The following ABCC8 variants were observed in gnomAD, a reference collection of about 807,000 sequenced individuals.
ABCC8 encodes the protein ATP-binding cassette sub-family C member 8.
In ABCC8, 137 loss-of-function variants were observed where a neutral mutation model predicts 188.0. That is an observed-to-expected ratio of 0.73 (90% CI 0.63 to 0.84). The LOEUF is 0.84. Ranked by LOEUF, ABCC8 falls within the 40% of genes least tolerant of loss-of-function variation. The probability of loss-of-function intolerance (pLI) is 0.00; values close to 1 mark genes in which losing one functional copy is unlikely to be tolerated. For synonymous variants in ABCC8, 797 were observed against 846.5 expected (o/e 0.94, Z 1.01); for missense variants, 1,750 against 2,072.7 (o/e 0.84, Z 3.02).
intron 8 of ABCC8, among the ~76,000 whole-genome samples, chr11:17,444,814 C>T (rs932233764): frequency 6.6e-6 from 1 of 152,202 alleles, no homozygotes; most frequent in Middle Eastern, 3.2e-3. Context: ...GGGTGAGTTA[C>T]TTAACCTCTC....
intron 37 of ABCC8, 51 bp from the exon 38 acceptor site, chr11:17,393,810 C>G: frequency 6.2e-7 from 1 of 1,614,056 alleles, no homozygotes; most frequent in South Asian, 1.1e-5. Context: ...TGGATGGGGT[C>G]TGGCCTGGCT....
intron 28 of ABCC8, among the ~76,000 whole-genome samples, chr11:17,403,542 T>C (rs1484018009): frequency 6.6e-6 from 1 of 152,226 alleles, no homozygotes; most frequent in Non-Finnish European, 1.5e-5. Flanking sequence ...TTTATACAAA[T>C]GTTGATCCTT....
At chr11:17,443,105 G>T in intron 9 of ABCC8, 73 bp downstream of exon 9, 1 of 1,566,918 alleles carries the variant, frequency 6.4e-7, no homozygotes, top group Non-Finnish European at 8.8e-7. Context: ...GTGTGGGTGT[G>T]TGGGAGGAGA....
rs1953699276 is a variant in ABCC8 at position 17,392,916 on chromosome 11, T to G, written c.*75A>C. Reference sequence around the variant, plus strand: ...ATAATCAAATCTATTTATTTACAAGTGATTTACAGTTAGAAAACCCAGGCA... The same window carrying G: ...ATAATCAAATCTATTTATTTACAAGGGATTTACAGTTAGAAAACCCAGGCA... On this transcript the variant is annotated 3_prime_UTR_variant, in exon 39 of 39. Coordinates refer to ENST00000389817, the MANE Select transcript of ABCC8 (RefSeq NM_000352.6). 1 of 1,500,398 alleles carries G rather than the reference T, an allele frequency of 6.7e-7. No homozygotes were observed. The highest frequency in any genetic ancestry group is 1.7e-5 in the Admixed American group (1 of 59,874). The allele number at this position is 1,500,398 out of a possible 1,614,324, so 92.9% of individuals were successfully genotyped here.
chr11:17,449,652 T>C lies in ABCC8; in HGVS notation c.1177-981A>G, dbSNP rs572010887. On this transcript the variant is annotated intron_variant, in intron 7 of 38. Coordinates refer to ENST00000389817, the MANE Select transcript of ABCC8 (RefSeq NM_000352.6). ...GTGCTCTTGAACAAGGAAAAATGCA[T>C]CCGGGTCTTAAATGTCCTCAGGATG... Among the ~76,000 whole-genome samples the C allele has an allele frequency of 3.3e-5, 5 of 152,348 alleles. No homozygotes were observed. In the East Asian group the frequency reaches 9.6e-4, roughly 29 times the overall value.
chr11:17,430,467 C>G (rs1955794566), intron 12 of ABCC8: 1 of 376,266 alleles, frequency 2.7e-6, no homozygotes, highest in East Asian at 6.1e-5. Flanking sequence ...ACGGGATGGC[C>G]TCATTCTTGG....
chr11:17,402,643 G>T lies in ABCC8; in HGVS notation c.3650+18C>A. On this transcript the variant is annotated intron_variant, in intron 29 of 38. Coordinates refer to ENST00000389817, the MANE Select transcript of ABCC8 (RefSeq NM_000352.6). ...CACCCCTGTTCCACTCCTACCTTGG[G>T]GGAATGTGGACTCGTACCTGAAGGC... 6.2e-7 allele frequency: 1 copy of T among 1,614,234 alleles called. No homozygotes were observed. Among genetic ancestry groups the T allele is most frequent in the Non-Finnish European group, 8.5e-7 (1 of 1,180,050 alleles).
chr11:17,423,356 CAA>C (rs58524307), intron 16 of ABCC8, among the ~76,000 whole-genome samples: 8 of 63,338 alleles, frequency 1.3e-4, no homozygotes, highest in South Asian at 8.8e-4. Context: ...GACTCCGTCT[CAA>C]AAAAAAAAAA....
At position 17,455,939 on chromosome 11, in the gene ABCC8, A is replaced by G. The variant is rs938748764; in HGVS notation, c.1012-2656T>C. 1.1e-4 allele frequency among the ~76,000 whole-genome samples: 13 copies of G among 122,048 alleles called. No homozygotes were observed. In the South Asian group the frequency reaches 2.9e-3, roughly 27 times the overall value. 80.1% of individuals were successfully genotyped at this position (122,048 alleles called of 152,430 possible). A position where few individuals can be genotyped will look rare whatever the true frequency, so the allele number is the denominator to read the frequency against. On this transcript the variant is annotated intron_variant, in intron 6 of 38. Coordinates refer to ENST00000389817, the MANE Select transcript of ABCC8 (RefSeq NM_000352.6). ...GGGAGACAGAGTGAGGCTCCATCCAAAAAAAAAAAAAAAAAAAAAAGAAGT... is the reference window on the plus strand; with the variant it reads ...GGGAGACAGAGTGAGGCTCCATCCAGAAAAAAAAAAAAAAAAAAAAGAAGT...
chr11:17,460,652 C>A lies in ABCC8; in HGVS notation c.847G>T (p.Gly283Cys). ...AGTGCCTGCCAGATGGCCCGGGCAC[C>A]TTGAGTGCCCTGAATGTCCTTCCGC... ...QVRKDIQGTQ[G>C]ARAIWQALSH... The change falls in exon 6 of 39, where the codon GGT (glycine) becomes TGT (cysteine). Residue 283 changes from glycine to cysteine, a missense_variant. Coordinates refer to ENST00000389817, the MANE Select transcript of ABCC8 (RefSeq NM_000352.6). 1.2e-6 allele frequency: 2 copies of A among 1,610,500 alleles called. No homozygotes were observed. The highest frequency in any genetic ancestry group is 1.7e-6 in the Non-Finnish European group (2 of 1,180,004).
intron 6 of ABCC8, among the ~76,000 whole-genome samples, chr11:17,459,134 T>C (rs1218651578): frequency 1.3e-5 from 2 of 152,192 alleles, no homozygotes; most frequent in Admixed American, 1.3e-4. Context: ...CTCAACTTTC[T>C]CATCTGTAAA....
Position 17,463,576 on chromosome 11 carries a change from GA to G in ABCC8, c.440del (p.Phe147SerfsTer30). ...TGACAAACTTGATGGTCTTGGTGAT[GA>G]AGGCCAGGGTCCAATACACCAGCAG... Reference protein sequence around the residue: ...IALLVYWTLAFITKTIKFVKF... With the variant: ...IALLVYWTLAXITKTIKFVKF... On this transcript the variant is annotated frameshift_variant, in exon 4 of 39. Coordinates refer to ENST00000389817, the MANE Select transcript of ABCC8 (RefSeq NM_000352.6). LOFTEE classifies it high-confidence loss of function. 6.3e-7 allele frequency: 1 copy of G among 1,588,776 alleles called. No individual in the cohort carries two copies.
chr11:17,443,127 C>T (rs1023224239), intron 9 of ABCC8, 51 bp downstream of exon 9: 12 of 1,601,446 alleles, frequency 7.5e-6, no homozygotes, highest in South Asian at 1.1e-5. Flanking sequence ...CTGCTGCTGT[C>T]GAGGGAAGGA....
intron 6 of ABCC8, among the ~76,000 whole-genome samples, chr11:17,453,935 AT>A (rs1166290752): frequency 6.6e-6 from 1 of 152,156 alleles, no homozygotes; most frequent in Admixed American, 6.5e-5. Context: ...AAAAACAAAC[AT>A]TTTAACTTTG....
At chr11:17,414,735 T>A in intron 18 of ABCC8, 125 bp from the exon 19 acceptor site, 1 of 1,524,460 alleles carries the variant, frequency 6.6e-7, no homozygotes, top group Non-Finnish European at 8.8e-7. Context: ...TTGGTAGAAA[T>A]CTGCTTAGTG....
chr11:17,443,419 G>A (rs1742875410), intron 8 of ABCC8, 107 bp from the exon 9 acceptor site: 2 of 1,585,226 alleles, frequency 1.3e-6, no homozygotes, highest in Non-Finnish European at 1.7e-6. Flanking sequence ...GACAAGCCTT[G>A]GTGCCCAGGT....
intron 8 of ABCC8, among the ~76,000 whole-genome samples, chr11:17,447,245 A>G (rs1428825966): frequency 1.3e-5 from 2 of 152,172 alleles, no homozygotes; most frequent in African/African-American, 4.8e-5. Flanking sequence ...ATTTAGTCCC[A>G]GGCATAGGAC....
chr11:17,442,139 A>T (rs1261602703), intron 10 of ABCC8, among the ~76,000 whole-genome samples: 1 of 152,222 alleles, frequency 6.6e-6, no homozygotes, highest in Non-Finnish European at 1.5e-5. Flanking sequence ...ATGGGACTCT[A>T]GGACTTTTAC....
chr11:17,418,990 T>C (rs1307197406), intron 16 of ABCC8, among the ~76,000 whole-genome samples: 1 of 152,086 alleles, frequency 6.6e-6, no homozygotes, highest in African/African-American at 2.4e-5. Context: ...TACAACCCTA[T>C]AAACCCTATC....
Sources: allele counts gnomAD v4.1 joint callset (sites outside exome capture counted in the v4.1 genomes callset), GRCh38; gene constraint gnomAD v4.1.1; transcripts MANE v1.5; gene names NCBI Gene and HGNC (gene_info 2026-07-23, HGNC 2026-07-21).